LRP4: variants seen among roughly 807,000 people sequenced by gnomAD.
The protein encoded by LRP4 is low-density lipoprotein receptor-related protein 4.
In LRP4, 95 loss-of-function variants were observed where a neutral mutation model predicts 220.3. The observed-to-expected ratio is 0.43, with a 90% CI of 0.37 to 0.51. The LOEUF is 0.51. Ranked by LOEUF, LRP4 falls within the 20% of genes least tolerant of loss-of-function variation. The pLI is 0.00. For missense variants in LRP4, 1,925 were observed against 2,567.0 expected, an observed-to-expected ratio of 0.75 and a Z score of 5.40; for synonymous variants, 903 against 954.6, an observed-to-expected ratio of 0.95 and a Z score of 1.00.
chr11:46,864,411 A>G lies in LRP4; in HGVS notation c.5243+37T>C, dbSNP rs1184916497. 5 of 1,393,068 alleles carry G rather than the reference A, an allele frequency of 3.6e-6. No homozygotes were observed. In the African/African-American group the frequency reaches 5.7e-5, roughly 16 times the overall value. The allele number at this position is 1,393,068 out of a possible 1,614,324, so 86.3% of individuals were successfully genotyped here. A position where few individuals can be genotyped will look rare whatever the true frequency, so the allele number is the denominator to read the frequency against. On this transcript the variant is annotated intron_variant, in intron 36 of 37. Coordinates refer to ENST00000378623, the MANE Select transcript of LRP4 (RefSeq NM_002334.4). ...GATCCCAGACATGCTCATGAAGACC[A>G]ATGAGCATGTGGCCCCTGTAGCAAG...
At chr11:46,902,142 G>A (rs1941677381) in intron 2 of LRP4, among the ~76,000 whole-genome samples, 1 of 151,906 alleles carries the variant, frequency 6.6e-6, no homozygotes, top group African/African-American at 2.4e-5. Flanking sequence ...TGGATCACTT[G>A]AAGTCATGAG....
At chr11:46,907,037 C>T (rs1941771238) in intron 1 of LRP4, among the ~76,000 whole-genome samples, 1 of 152,220 alleles carries the variant, frequency 6.6e-6, no homozygotes, top group Non-Finnish European at 1.5e-5. Flanking sequence ...TCTGCCTTTT[C>T]ACTCAAGTCC....
chr11:46,918,513 G>T lies in LRP4; in HGVS notation c.-134C>A. The T allele has an allele frequency of 2.0e-6, 1 of 497,534 alleles. No homozygotes were observed. Among genetic ancestry groups the T allele is most frequent in the Non-Finnish European group, 2.8e-6 (1 of 356,896 alleles). 30.8% of individuals were successfully genotyped at this position (497,534 alleles called of 1,614,324 possible). ...CCTGCGCGCCCCGCAAGTCGCCCTC[G>T]GGCCGCCGCCGCCTCCAGTGCTGCC... On this transcript the variant is annotated 5_prime_UTR_variant, in exon 1 of 38. Transcript: ENST00000378623. The surrounding 1 kb of genome is among the most constrained non-coding windows in gnomAD (Gnocchi z 6.0).
At chr11:46,883,092 T>C (rs1180351168) in intron 19 of LRP4, among the ~76,000 whole-genome samples, 2 of 152,228 alleles carry the variant, frequency 1.3e-5, no homozygotes, top group African/African-American at 4.8e-5. Context: ...ATTTTTACTT[T>C]CTACAGATTT....
In LRP4 at chr11:46,889,481, G is replaced by A; in HGVS notation, c.2145C>T (p.Pro715=). 1 of 1,614,102 alleles carries A rather than the reference G, an allele frequency of 6.2e-7. No individual in the cohort carries two copies. Among genetic ancestry groups the A allele is most frequent in the South Asian group, 1.1e-5 (1 of 91,080 alleles). The part of the protein sequence containing the change: ...NNGGCTHLCL[P]SGQNYTCACP... ...AGGCACAGGTGTAGTTCTGGCCACT[G>A]GGCAGACACAGGTGCGTGCAGCCTC... The change falls in exon 16 of 38, where the codon CCC becomes CCT. Residue 715 remains proline, a synonymous_variant. Transcript: ENST00000378623.
chr11:46,913,744 G>A (rs1941905914), intron 1 of LRP4, among the ~76,000 whole-genome samples: 1 of 152,122 alleles, frequency 6.6e-6, no homozygotes, highest in South Asian at 2.1e-4. Context: ...CACTTAAGAA[G>A]GGAAACTCTC....
At chr11:46,896,429 T>A in intron 8 of LRP4, 94 bp from the exon 9 acceptor site, 1 of 1,522,520 alleles carries the variant, frequency 6.6e-7, no homozygotes, top group Non-Finnish European at 9.0e-7. Flanking sequence ...TGGAGACAGA[T>A]GAGACTCAAG....
At chr11:46,895,104 G>C in intron 11 of LRP4, 62 bp downstream of exon 11, 1 of 1,607,018 alleles carries the variant, frequency 6.2e-7, no homozygotes, top group Non-Finnish European at 8.5e-7. Flanking sequence ...GAGCACCAGA[G>C]TACCTGGCCT....
intron 1 of LRP4, among the ~76,000 whole-genome samples, chr11:46,904,284 T>C (rs1172022116): frequency 6.6e-6 from 1 of 152,188 alleles, no homozygotes; most frequent in Non-Finnish European, 1.5e-5. Context: ...CCAGCTTTTC[T>C]CTCTCAGCTC....
chr11:46,876,419 C>G (rs746668605), intron 25 of LRP4, 47 bp downstream of exon 25: 1 of 1,610,994 alleles, frequency 6.2e-7, no homozygotes, highest in South Asian at 1.1e-5. Flanking sequence ...ATAACCCCAG[C>G]TGAGCTGGCC....
Position 46,874,876 on chromosome 11 carries a change from T to C in LRP4, c.4153A>G (p.Asn1385Asp). The part of the protein sequence containing the change: ...TDVHVPVPEL[N>D]NVISLDYDSV... ...TCATAGTCCAGGGAGATGACATTGTTGAGCTCAGGAACAGGGACATGCACA... is the reference window on the plus strand; with the variant it reads ...TCATAGTCCAGGGAGATGACATTGTCGAGCTCAGGAACAGGGACATGCACA... The change falls in exon 28 of 38, where the codon AAC becomes GAC. Residue 1385 changes from asparagine (N) to aspartate (D), a missense_variant. Asn to Asp is a conservative substitution (Grantham distance 23). This residue lies in a region of LRP4 where 1,244 missense variants were observed against 1,624.9 expected (regional missense o/e 0.77). Coordinates refer to ENST00000378623, the MANE Select transcript of LRP4 (RefSeq NM_002334.4). The C allele has an allele frequency of 6.2e-7, 1 of 1,614,152 alleles. No homozygotes were observed. The highest frequency in any genetic ancestry group is 1.6e-4 in the Middle Eastern group (1 of 6,062).
Position 46,899,820 on chromosome 11 carries a change from C to T in LRP4, c.430+43G>A. ...CTATCTTCTCCCATGGCCAGGCCAC[C>T]CACTGGCCACCTTGCCTGCCTTCCC... On this transcript the variant is annotated intron_variant, in intron 4 of 37. Transcript: ENST00000378623. The surrounding 1 kb of genome is among the most constrained non-coding windows in gnomAD (Gnocchi z 5.9). 1 of 1,512,702 alleles carries T rather than the reference C, an allele frequency of 6.6e-7. No homozygotes were observed. Among genetic ancestry groups the T allele is most frequent in the Non-Finnish European group, 9.2e-7 (1 of 1,089,374 alleles). 93.7% of individuals were successfully genotyped at this position (1,512,702 alleles called of 1,614,324 possible). A position where few individuals can be genotyped will look rare whatever the true frequency, so the allele number is the denominator to read the frequency against.
At chr11:46,888,014 C>CAAAAAAAA (rs59369000) in intron 16 of LRP4, among the ~76,000 whole-genome samples, 8 of 45,912 alleles carry the variant, frequency 1.7e-4, no homozygotes, top group African/African-American at 8.6e-4. Context: ...GACCCTGTCT[C>CAAAAAAAA]AAAAAAAAAA....
At position 46,888,421 on chromosome 11, in the gene LRP4, C is replaced by T. The variant is rs983932663; in HGVS notation, c.2215+990G>A. ...ATACAAAATTAGCCAGGTGTGGTGG[C>T]GCATGCTTGTAATCCCAGCTATTCA... On this transcript the variant is annotated intron_variant, in intron 16 of 37. Transcript: ENST00000378623. 3.0e-4 allele frequency among the ~76,000 whole-genome samples: 46 copies of T among 151,180 alleles called. 1 individual carries two copies. The highest frequency in any genetic ancestry group is 1.0e-3 in the African/African-American group (42 of 41,148).
Position 46,874,843 on chromosome 11 carries a change from C to G in LRP4, c.4186G>C (p.Asp1396His), listed in dbSNP as rs1283472991. The change falls in exon 28 of 38, where the codon GAT (aspartate) becomes CAT (histidine). Residue 1396 changes from aspartate (D) to histidine (H), a missense_variant. Asp to His is a moderately conservative substitution (Grantham distance 81). Coordinates refer to ENST00000378623, the MANE Select transcript of LRP4 (RefSeq NM_002334.4). The part of the protein sequence containing the change: ...NVISLDYDSV[D>H]GKVYYTDVFL... Reference sequence around the variant, plus strand: ...ACATCTGTGTAATAGACCTTTCCATCCACGCTGTCATAGTCCAGGGAGATG... The same window carrying G: ...ACATCTGTGTAATAGACCTTTCCATGCACGCTGTCATAGTCCAGGGAGATG... The G allele has an allele frequency of 6.2e-7, 1 of 1,614,112 alleles. No homozygotes were observed. Among genetic ancestry groups the G allele is most frequent in the Non-Finnish European group, 8.5e-7 (1 of 1,179,962 alleles).
intron 1 of LRP4, among the ~76,000 whole-genome samples, chr11:46,909,217 G>A (rs533566539): frequency 6.6e-6 from 1 of 152,138 alleles, no homozygotes; most frequent in East Asian, 1.9e-4. Context: ...GCTTTTTCAA[G>A]CTGAACCAGA....
rs111426027 is a variant in LRP4, at chr11:46,868,056, C to G, written c.5010G>C (p.Val1670=). 1 of 1,613,994 alleles carries G rather than the reference C, an allele frequency of 6.2e-7. No individual in the cohort carries two copies. The highest frequency in any genetic ancestry group is 1.3e-5 in the African/African-American group (1 of 74,892). The part of the protein sequence containing the change: ...RATGMSEKSP[V]LPNTPPTTLY... ...AGGTGGTAGGTGGTGTGTTGGGTAG[C>G]ACTGGGCTCTTTTCACTCATGCCAG... Residue 1670 remains valine, a synonymous_variant, in exon 34 of 38, where the codon GTG becomes GTC. Transcript: ENST00000378623.
At chr11:46,886,942 T>G (rs1941307366) in intron 16 of LRP4, among the ~76,000 whole-genome samples, 1 of 152,202 alleles carries the variant, frequency 6.6e-6, no homozygotes. Flanking sequence ...TGCTCTCCTC[T>G]TTACAACTTT....
intron 36 of LRP4, chr11:46,863,052 G>T (rs977938717): frequency 2.5e-6 from 1 of 403,438 alleles, no homozygotes; most frequent in Non-Finnish European, 4.7e-6. Context: ...CTGCCATGTT[G>T]TAAGTTGTCC....
Sources: gnomAD v4.1 joint callset for allele counts (sites outside exome capture counted in the v4.1 genomes callset) on GRCh38, gnomAD v4.1.1 for gene constraint, gnomAD v4.1.1 regional missense constraint, Gnocchi (gnomAD v3.1) non-coding constraint, MANE v1.5 for transcripts, NCBI Gene and HGNC (gene_info 2026-07-23, HGNC 2026-07-21) for gene names.